BEND7: variants seen among roughly 807,000 people sequenced by gnomAD.
The protein encoded by BEND7 is BEN domain containing 7, also known as BEN domain-containing protein 7.
BEND7 carries 28 observed loss-of-function variants against 50.9 expected under a neutral mutation model. The ratio of observed to expected loss-of-function variants is 0.55; its 90% CI spans 0.41 to 0.75. The LOEUF (loss-of-function observed/expected upper bound fraction) is 0.75. Among genes scored for constraint, BEND7 ranks in the 30% least tolerant of loss-of-function variants. The pLI is 0.00. For synonymous variants in BEND7, 170 were observed against 183.9 expected (o/e 0.92, Z 0.61); for missense variants, 477 against 491.3 (o/e 0.97, Z 0.28).
At chr10:13,452,431 C>T in intron 7 of BEND7, 108 bp downstream of exon 7, 1 of 1,217,460 alleles carries the variant, frequency 8.2e-7, no homozygotes, top group East Asian at 2.4e-5. Context: ...AACAGTCTCT[C>T]CTTCAAAAGA....
intron 5 of BEND7, among the ~76,000 whole-genome samples, chr10:13,486,540 C>T (rs2076238321): frequency 6.6e-6 from 1 of 152,146 alleles, no homozygotes; most frequent in African/African-American, 2.4e-5. Flanking sequence ...GGTGGCTGCC[C>T]TCTTTTCATT....
intron 4 of BEND7, among the ~76,000 whole-genome samples, chr10:13,494,106 A>T (rs2076861371): frequency 6.6e-6 from 1 of 152,210 alleles, no homozygotes; most frequent in East Asian, 1.9e-4. Flanking sequence ...GTACATTAGA[A>T]TCACTTGAGT....
At chr10:13,440,900 C>A (rs1454616624), downstream of BEND7, among the ~76,000 whole-genome samples, 6 of 152,146 alleles carry the variant, frequency 3.9e-5, no homozygotes, top group Admixed American at 3.9e-4. Flanking sequence ...GCCTTTCCAG[C>A]GTCTGAAGCC....
intron 6 of BEND7, among the ~76,000 whole-genome samples, chr10:13,477,858 T>G (rs1423262562): frequency 1.3e-5 from 2 of 152,216 alleles, no homozygotes; most frequent in Non-Finnish European, 2.9e-5. Context: ...TCATCCCATG[T>G]GCATTTATGG....
At chr10:13,452,449 C>G in intron 7 of BEND7, 90 bp downstream of exon 7, 1 of 1,339,676 alleles carries the variant, frequency 7.5e-7, no homozygotes, top group South Asian at 1.7e-5. Flanking sequence ...AGACAAGATG[C>G]TGAAATAACC....
intron 6 of BEND7, among the ~76,000 whole-genome samples, chr10:13,456,281 T>C (rs1838947729): frequency 6.6e-6 from 1 of 152,134 alleles, no homozygotes; most frequent in Non-Finnish European, 1.5e-5. Context: ...TACCGGAGCA[T>C]GCAGGAGCAG....
chr10:13,502,758 G>T, intron 2 of BEND7: 1 of 233,730 alleles, frequency 4.3e-6, no homozygotes, highest in Non-Finnish European at 7.0e-6. Flanking sequence ...TGAAGTCCAT[G>T]CAGAGACTAG....
intron 2 of BEND7, among the ~76,000 whole-genome samples, chr10:13,501,875 T>C (rs2077500392): frequency 6.6e-6 from 1 of 150,876 alleles, no homozygotes; most frequent in African/African-American, 2.4e-5. Flanking sequence ...GGCCAGGGTA[T>C]GTGTGTGTAA....
rs2079565405 is a variant in BEND7, at chr10:13,528,493, C to G, written c.41G>C (p.Ser14Thr). 10 of 1,041,292 alleles carry G rather than the reference C, an allele frequency of 9.6e-6. No individual in the cohort carries two copies. Among genetic ancestry groups the G allele is most frequent in the Non-Finnish European group, 1.2e-5 (10 of 864,822 alleles). The allele number at this position is 1,041,292 out of a possible 1,614,324, so 64.5% of individuals were successfully genotyped here. A position where few individuals can be genotyped will look rare whatever the true frequency, so the allele number is the denominator to read the frequency against. The change falls in exon 1 of 9, where the codon AGC (serine) becomes ACC (threonine). Residue 14 changes from serine (S) to threonine (T), a missense_variant. By Grantham distance (58) the Ser-to-Thr change is moderately conservative. Coordinates refer to ENST00000466271, the MANE Select transcript of BEND7 (RefSeq NM_001369863.1). The part of the protein sequence containing the change: ...SERKRSRKSQ[S>T]FKLVSRDYHH... ...CTTACCTCGGCTCACCAGTTTGAAG[C>G]TCTGGGATTTCCTGCTTCTTTTCCT... is the stretch of plus-strand genomic sequence containing the variant.
intron 2 of BEND7, among the ~76,000 whole-genome samples, chr10:13,520,271 G>C (rs1341849614): frequency 6.6e-6 from 1 of 152,180 alleles, no homozygotes; most frequent in Non-Finnish European, 1.5e-5. Context: ...ACCGGAGGCA[G>C]TAAACAAGCC....
intron 2 of BEND7, chr10:13,500,584 C>T (rs1015025685): frequency 4.0e-6 from 4 of 988,222 alleles, no homozygotes; most frequent in Middle Eastern, 5.2e-4. Context: ...GGCTTCACTA[C>T]TGACACAATG....
chr10:13,452,415 A>C, intron 7 of BEND7, 124 bp downstream of exon 7: 1 of 1,083,336 alleles, frequency 9.2e-7, no homozygotes, highest in Non-Finnish European at 1.3e-6. Context: ...AAATCAGCAT[A>C]TTATAAACAG....
chr10:13,476,484 G>A (rs1282110995), intron 6 of BEND7, among the ~76,000 whole-genome samples: 1 of 152,162 alleles, frequency 6.6e-6, no homozygotes, highest in African/African-American at 2.4e-5. Flanking sequence ...AAGACTCCAG[G>A]ACAGTTTGAT....
chr10:13,488,525 G>A (rs1417554600), intron 5 of BEND7, among the ~76,000 whole-genome samples: 1 of 152,066 alleles, frequency 6.6e-6, no homozygotes, highest in African/African-American at 2.4e-5. Flanking sequence ...GTCTTGCTCT[G>A]TCGCCAGGCT....
rs559141746 is a variant in BEND7, at chr10:13,465,861, G to A, written c.1064-13203C>T. On this transcript the variant is annotated intron_variant, in intron 6 of 8. Coordinates refer to ENST00000466271, the MANE Select transcript of BEND7 (RefSeq NM_001369863.1). ...TCCCAGTGATTCTCACCGATTTGAG[G>A]CCACAGCTATCTCTCTCTCTCTCGT... Among the ~76,000 whole-genome samples, 6 of 136,566 alleles carry A rather than the reference G, an allele frequency of 4.4e-5. No homozygotes were observed. In the South Asian group the frequency reaches 1.6e-3, roughly 36 times the overall value. 89.6% of individuals were successfully genotyped at this position (136,566 alleles called of 152,430 possible).
chr10:13,485,790 T>G (rs192249492), intron 5 of BEND7, among the ~76,000 whole-genome samples: 1 of 152,364 alleles, frequency 6.6e-6, no homozygotes, highest in East Asian at 1.9e-4. Context: ...GATATGCTTC[T>G]GTCTGATAAA....
At chr10:13,453,379 C>T (rs1013781671) in intron 6 of BEND7, among the ~76,000 whole-genome samples, 2 of 152,076 alleles carry the variant, frequency 1.3e-5, no homozygotes, top group Non-Finnish European at 2.9e-5. Context: ...ACTTGTCCTT[C>T]GTAAGGTCAA....
chr10:13,488,572 T>C (rs2076412740), intron 5 of BEND7, among the ~76,000 whole-genome samples: 1 of 151,852 alleles, frequency 6.6e-6, no homozygotes, highest in African/African-American at 2.4e-5. Flanking sequence ...ACTGCAATCT[T>C]CGACTCCCGG....
chr10:13,514,093 C>CAAGTTG (rs1393000587), intron 2 of BEND7, among the ~76,000 whole-genome samples: 1 of 151,360 alleles, frequency 6.6e-6, no homozygotes, highest in Non-Finnish European at 1.5e-5. Flanking sequence ...GTCTCAGTTT[C>CAAGTTG]ATTTTCTCAA....
Sources: gnomAD v4.1 joint callset for allele counts (sites outside exome capture counted in the v4.1 genomes callset) on GRCh38, gnomAD v4.1.1 for gene constraint, MANE v1.5 for transcripts, NCBI Gene and HGNC (gene_info 2026-07-23, HGNC 2026-07-21) for gene names.